CHRM2: variants seen among roughly 807,000 people sequenced by gnomAD.
CHRM2 encodes the protein muscarinic acetylcholine receptor M2.
CHRM2 carries 8 observed loss-of-function variants against 25.0 expected under a neutral mutation model. That is an observed-to-expected ratio of 0.32 (90% CI 0.19 to 0.58). The LOEUF (loss-of-function observed/expected upper bound fraction) is 0.58. Ranked by LOEUF, CHRM2 falls within the 20% of genes least tolerant of loss-of-function variation. The pLI is 0.88. For synonymous variants in CHRM2, 202 were observed against 205.7 expected (o/e 0.98, Z 0.15); for missense variants, 440 against 567.1 (o/e 0.78, Z 2.28).
intron 2 of CHRM2, among the ~76,000 whole-genome samples, chr7:136,923,808 A>G (rs1798585552): frequency 1.3e-5 from 2 of 152,178 alleles, no homozygotes; most frequent in Admixed American, 6.5e-5. Flanking sequence ...CAAGAGTTCA[A>G]ATCCAGCCTG....
chr7:136,983,510 G>C (rs1463495391), intron 2 of CHRM2, among the ~76,000 whole-genome samples: 3 of 152,186 alleles, frequency 2.0e-5, no homozygotes, highest in African/African-American at 7.2e-5. Context: ...AGGAGAAGAA[G>C]TGTGCTGGTT....
intron 2 of CHRM2, among the ~76,000 whole-genome samples, chr7:136,960,516 C>T (rs1430486940): frequency 1.3e-5 from 2 of 152,180 alleles, no homozygotes; most frequent in African/African-American, 2.4e-5. Flanking sequence ...ACGATACCTC[C>T]CAACTCAGAA....
At chr7:136,879,840 G>A (rs1371265950) in intron 2 of CHRM2, among the ~76,000 whole-genome samples, 1 of 151,850 alleles carries the variant, frequency 6.6e-6, no homozygotes, top group Non-Finnish European at 1.5e-5. Flanking sequence ...AGGAAAGAAA[G>A]GCGGCCATCT....
chr7:136,963,538 A>G (rs1269212527), intron 2 of CHRM2, among the ~76,000 whole-genome samples: 1 of 152,218 alleles, frequency 6.6e-6, no homozygotes, highest in Admixed American at 6.5e-5. Context: ...TTTGTTTTCA[A>G]GGATGAAAAC....
chr7:136,880,628 T>C (rs892687007), intron 2 of CHRM2, among the ~76,000 whole-genome samples: 12 of 151,954 alleles, frequency 7.9e-5, no homozygotes, highest in African/African-American at 2.9e-4. Flanking sequence ...TGCAATAGTT[T>C]TTTTAATAGA....
Position 137,015,615 on chromosome 7 carries a change from C to T in CHRM2, c.750C>T (p.Ser250=). ...AGCCAAACAATAACAACATGCCCAG[C>T]AGTGACGATGGCCTGGAGCACAACA... The part of the protein sequence containing the change: ...IVKPNNNNMP[S]SDDGLEHNKI... Residue 250 remains serine (S), a synonymous_variant, in exon 4 of 4, where the codon AGC becomes AGT. Transcript: ENST00000680005. This position sits in a 1 kb window ranked among gnomAD's most constrained non-coding sequence, Gnocchi z 5.1. 6.2e-7 allele frequency: 1 copy of T among 1,612,956 alleles called. No homozygotes were observed. Among genetic ancestry groups the T allele is most frequent in the Non-Finnish European group, 8.5e-7 (1 of 1,179,544 alleles).
At chr7:136,963,025 G>A (rs1030246818) in intron 2 of CHRM2, among the ~76,000 whole-genome samples, 10 of 151,948 alleles carry the variant, frequency 6.6e-5, no homozygotes, top group African/African-American at 1.7e-4. Flanking sequence ...TAGTTTTTAC[G>A]AAAAAAGAAT....
intron 2 of CHRM2, among the ~76,000 whole-genome samples, chr7:136,952,027 C>T (rs1800441453): frequency 6.6e-6 from 1 of 152,058 alleles, no homozygotes; most frequent in Admixed American, 6.6e-5. Context: ...GATTTGTCGC[C>T]CTAGACCCTC....
At chr7:136,878,012 G>GA (rs924675255) in intron 2 of CHRM2, among the ~76,000 whole-genome samples, 6 of 151,812 alleles carry the variant, frequency 4.0e-5, no homozygotes, top group Non-Finnish European at 7.4e-5. Flanking sequence ...ATTGGTAGAG[G>GA]AAAAAAATAC....
intron 2 of CHRM2, among the ~76,000 whole-genome samples, chr7:136,895,865 T>G (rs774886091): frequency 6.6e-6 from 1 of 152,168 alleles, no homozygotes; most frequent in Non-Finnish European, 1.5e-5. Flanking sequence ...ATCAATGAAT[T>G]TGATACATTG....
chr7:136,887,443 C>T (rs1049128335), intron 2 of CHRM2, among the ~76,000 whole-genome samples: 1 of 152,044 alleles, frequency 6.6e-6, no homozygotes, highest in Non-Finnish European at 1.5e-5. Flanking sequence ...ATCCAGATGG[C>T]CCAACTCTTA....
At chr7:136,918,143 A>C (rs930012944) in intron 2 of CHRM2, among the ~76,000 whole-genome samples, 5 of 152,090 alleles carry the variant, frequency 3.3e-5, no homozygotes, top group Admixed American at 3.3e-4. Context: ...TCCCAACCAG[A>C]TCATAAAGCA....
At position 136,882,519 on chromosome 7, in the gene CHRM2, A is replaced by G. The variant is rs75029751; in HGVS notation, c.-125+13101A>G. Reference sequence around the variant, plus strand: ...ACATAGCAGAGCTCAATAAATGTTTATTTAATGATACTTTATGCTAGTAGT... The same window carrying G: ...ACATAGCAGAGCTCAATAAATGTTTGTTTAATGATACTTTATGCTAGTAGT... On this transcript the variant is annotated intron_variant, in intron 2 of 3. Coordinates refer to ENST00000680005, the MANE Select transcript of CHRM2 (RefSeq NM_001006630.2). Among the ~76,000 whole-genome samples, 163 of 151,910 alleles carry G rather than the reference A, an allele frequency of 1.1e-3. 2 individuals are homozygous for G. The East Asian group carries it at 0.027, about 25-fold the overall frequency.
chr7:137,014,253 A>G (rs1805020545), intron 3 of CHRM2, among the ~76,000 whole-genome samples: 2 of 152,016 alleles, frequency 1.3e-5, no homozygotes, highest in South Asian at 4.1e-4. Context: ...TAGGGAGAGT[A>G]TACTGGCTAT....
At chr7:136,950,831 CGAGAGA>C (rs989130479) in intron 2 of CHRM2, among the ~76,000 whole-genome samples, 2 of 133,078 alleles carry the variant, frequency 1.5e-5, no homozygotes, top group African/African-American at 5.3e-5. Context: ...GTTGTTGTTT[CGAGAGA>C]GAGAATCTTG....
rs375980850 is a variant in CHRM2, at chr7:137,015,249, T to C, written c.384T>C (p.Pro128=). 15 of 1,613,424 alleles carry C rather than the reference T, an allele frequency of 9.3e-6. 1 individual carries two copies. The African/African-American group carries it at 1.9e-4, about 20-fold the overall frequency. ...ACAGGTACTTCTGTGTCACAAAACCTCTGACCTACCCAGTCAAGCGGACCA... is the reference window on the plus strand; with the variant it reads ...ACAGGTACTTCTGTGTCACAAAACCCCTGACCTACCCAGTCAAGCGGACCA... ...SFDRYFCVTK[P]LTYPVKRTTK... The change falls in exon 4 of 4, where the codon CCT becomes CCC. Residue 128 remains proline, a synonymous_variant. Transcript: ENST00000680005. This position sits in a 1 kb window ranked among gnomAD's most constrained non-coding sequence, Gnocchi z 5.1.
chr7:137,000,347 C>T (rs1483386198), intron 3 of CHRM2, among the ~76,000 whole-genome samples: 1 of 150,848 alleles, frequency 6.6e-6, no homozygotes. Context: ...TATAAATGCC[C>T]GCCACTATGC....
chr7:137,015,988 A>G lies in CHRM2; in HGVS notation c.1123A>G (p.Lys375Glu). The part of the protein sequence containing the change: ...IVKMTKQPAK[K>E]KPPPSREKKV... ...GAAGATGACTAAGCAGCCTGCAAAA[A>G]AGAAGCCTCCTCCTTCCCGGGAAAA... The change falls in exon 4 of 4, where the codon AAG becomes GAG. Residue 375 changes from lysine (K) to glutamate (E), a missense_variant. By Grantham distance (56) the Lys-to-Glu change is moderately conservative. Transcript: ENST00000680005. The surrounding 1 kb of genome is among the most constrained non-coding windows in gnomAD (Gnocchi z 5.1). 6.2e-7 allele frequency: 1 copy of G among 1,613,192 alleles called. No homozygotes were observed. The highest frequency in any genetic ancestry group is 8.5e-7 in the Non-Finnish European group (1 of 1,179,458).
intron 3 of CHRM2, among the ~76,000 whole-genome samples, chr7:137,002,873 G>T (rs1804142767): frequency 6.6e-6 from 1 of 151,986 alleles, no homozygotes. Context: ...CAGTAATAGT[G>T]ACTGCTTAAC....
Sources: allele counts gnomAD v4.1 joint callset (sites outside exome capture counted in the v4.1 genomes callset), GRCh38; gene constraint gnomAD v4.1.1; non-coding constraint Gnocchi (gnomAD v3.1); transcripts MANE v1.5; gene names NCBI Gene and HGNC (gene_info 2026-07-23, HGNC 2026-07-21).